SNTG1: variants seen among roughly 807,000 people sequenced by gnomAD.
The protein encoded by SNTG1 is gamma-1-syntrophin.
SNTG1 carries 39 observed loss-of-function variants against 74.7 expected under a neutral mutation model. The ratio of observed to expected loss-of-function variants is 0.52; its 90% CI spans 0.40 to 0.68. The LOEUF is 0.68. Ranked by LOEUF, SNTG1 falls within the 30% of genes least tolerant of loss-of-function variation. The probability of loss-of-function intolerance (pLI) is 0.00; values close to 1 mark genes in which losing one functional copy is unlikely to be tolerated. For synonymous variants in SNTG1, 254 were observed against 217.1 expected (o/e 1.17, Z -1.49); for missense variants, 685 against 609.5 (o/e 1.12, Z -1.30).
At position 50,419,173 on chromosome 8, in the gene SNTG1, T is replaced by A. The variant is rs1300258136; in HGVS notation, c.162+16829T>A. ...GAAGCCAGTAACCTGGAAATGACAA[T>A]AAGCCCAACCAAAACCTTTCTTTCT... On this transcript the variant is annotated intron_variant, in intron 4 of 18. Transcript: ENST00000642720. 2.0e-5 allele frequency among the ~76,000 whole-genome samples: 3 copies of A among 151,850 alleles called. No individual in the cohort carries two copies. The South Asian group carries it at 6.3e-4, about 32-fold the overall frequency.
chr8:50,285,219 C>T (rs2088700382), intron 2 of SNTG1, among the ~76,000 whole-genome samples: 1 of 152,108 alleles, frequency 6.6e-6, no homozygotes, highest in Admixed American at 6.6e-5. Flanking sequence ...TCACTATCAC[C>T]ATTGCTAAGC....
chr8:50,565,998 G>A (rs1370784510), intron 12 of SNTG1, among the ~76,000 whole-genome samples: 1 of 151,778 alleles, frequency 6.6e-6, no homozygotes, highest in Non-Finnish European at 1.5e-5. Flanking sequence ...CTTGTCTAGG[G>A]TAAAATGAAA....
At chr8:50,634,250 C>T (rs1030156991) in intron 13 of SNTG1, among the ~76,000 whole-genome samples, 7 of 152,202 alleles carry the variant, frequency 4.6e-5, no homozygotes, top group Non-Finnish European at 8.8e-5. Flanking sequence ...GCTGTTTGGT[C>T]TGCCACTTGG....
chr8:50,056,244 C>T (rs1004970487), intron 1 of SNTG1, among the ~76,000 whole-genome samples: 3 of 152,078 alleles, frequency 2.0e-5, no homozygotes, highest in African/African-American at 4.8e-5. Context: ...ATATGTCCTA[C>T]TATGTTCCAC....
intron 17 of SNTG1, among the ~76,000 whole-genome samples, chr8:50,746,183 A>C (rs959680274): frequency 2.0e-5 from 3 of 151,986 alleles, no homozygotes; most frequent in Admixed American, 1.3e-4. Flanking sequence ...GACTGTTCTT[A>C]TACAAATGTT....
intron 13 of SNTG1, among the ~76,000 whole-genome samples, chr8:50,644,642 T>C (rs1483647864): frequency 6.6e-6 from 1 of 152,182 alleles, no homozygotes; most frequent in Non-Finnish European, 1.5e-5. Context: ...TCAAAAGTTA[T>C]ACATTAAATT....
intron 1 of SNTG1, among the ~76,000 whole-genome samples, chr8:49,918,708 A>C (rs2129340682): frequency 6.6e-6 from 1 of 152,190 alleles, no homozygotes; most frequent in South Asian, 2.1e-4. Context: ...GATATATGGC[A>C]ATTTTTTTTT....
intron 1 of SNTG1, among the ~76,000 whole-genome samples, chr8:50,153,264 T>G (rs2082134008): frequency 6.6e-6 from 1 of 152,176 alleles, no homozygotes; most frequent in African/African-American, 2.4e-5. Flanking sequence ...ATCAGGTCAT[T>G]TAAGGACTTC....
intron 2 of SNTG1, among the ~76,000 whole-genome samples, chr8:50,304,290 A>G (rs1176726842): frequency 3.3e-5 from 5 of 152,136 alleles, no homozygotes; most frequent in Non-Finnish European, 7.4e-5. Context: ...CAGCACTCTG[A>G]CCTTGGACTT....
intron 18 of SNTG1, among the ~76,000 whole-genome samples, chr8:50,791,875 T>A (rs934361787): frequency 1.3e-5 from 2 of 151,832 alleles, no homozygotes. Context: ...ACTAGCAACA[T>A]CATCTTTCTA....
In SNTG1 at chr8:50,324,938, C is replaced by CATATAT. The variant is rs201152206; in HGVS notation, c.-27-69246_-27-69241dup. Among the ~76,000 whole-genome samples the CATATAT allele has an allele frequency of 5.3e-3, 704 of 133,930 alleles. 5 individuals carry two copies. Among genetic ancestry groups the CATATAT allele is most frequent in the African/African-American group, 0.016 (556 of 33,968 alleles). 87.9% of individuals were successfully genotyped at this position (133,930 alleles called of 152,430 possible). A position where few individuals can be genotyped will look rare whatever the true frequency, so the allele number is the denominator to read the frequency against. On this transcript the variant is annotated intron_variant, in intron 2 of 18. Transcript: ENST00000642720. The stretch of plus-strand genomic sequence containing the variant: ...TAATTGTGTGTGTGTGCATTTTATA[C>CATATAT]ATATATATATATATATATATATATA...
At chr8:50,550,373 A>G (rs528163381) in intron 11 of SNTG1, among the ~76,000 whole-genome samples, 2 of 152,294 alleles carry the variant, frequency 1.3e-5, no homozygotes, top group South Asian at 4.1e-4. Context: ...ATGTGGGGTA[A>G]AATCAACAAT....
intron 10 of SNTG1, among the ~76,000 whole-genome samples, chr8:50,532,702 T>C (rs1216450886): frequency 6.6e-6 from 1 of 152,182 alleles, no homozygotes; most frequent in East Asian, 1.9e-4. Flanking sequence ...TACTCAGAGA[T>C]GTACAAAATT....
At chr8:50,662,984 A>T (rs997892666) in intron 15 of SNTG1, among the ~76,000 whole-genome samples, 1 of 152,192 alleles carries the variant, frequency 6.6e-6, no homozygotes, top group Non-Finnish European at 1.5e-5. Context: ...ACTCACAAAA[A>T]TTCCAGCTGA....
At chr8:50,489,004 AT>A (rs1238887184) in intron 8 of SNTG1, among the ~76,000 whole-genome samples, 1 of 151,734 alleles carries the variant, frequency 6.6e-6, no homozygotes, top group Non-Finnish European at 1.5e-5. Context: ...TTCAACTCTC[AT>A]TTATGAGTGA....
chr8:50,665,764 C>T (rs972220428), intron 15 of SNTG1, among the ~76,000 whole-genome samples: 1 of 151,992 alleles, frequency 6.6e-6, no homozygotes, highest in African/African-American at 2.4e-5. Context: ...TAAATGTTAG[C>T]AATGGATTAT....
chr8:50,200,606 C>A (rs905699052), intron 2 of SNTG1, among the ~76,000 whole-genome samples: 4 of 152,122 alleles, frequency 2.6e-5, no homozygotes, highest in African/African-American at 9.7e-5. Flanking sequence ...CAGGGATGCC[C>A]TTCCTCAACT....
At chr8:50,723,696 G>A (rs1029926408) in intron 17 of SNTG1, among the ~76,000 whole-genome samples, 4 of 152,020 alleles carry the variant, frequency 2.6e-5, no homozygotes, top group African/African-American at 9.7e-5. Flanking sequence ...TTAGGACCCA[G>A]GGCTTCAACA....
At chr8:50,438,327 G>A (rs765286755) in intron 4 of SNTG1, among the ~76,000 whole-genome samples, 5 of 152,034 alleles carry the variant, frequency 3.3e-5, no homozygotes, top group African/African-American at 9.7e-5. Flanking sequence ...AGTTTATAAC[G>A]CTTCAGTCCC....
Sources: allele counts gnomAD v4.1 joint callset (sites outside exome capture counted in the v4.1 genomes callset), GRCh38; gene constraint gnomAD v4.1.1; transcripts MANE v1.5; gene names NCBI Gene and HGNC (gene_info 2026-07-23, HGNC 2026-07-21).